SYK: variants seen among roughly 807,000 people sequenced by gnomAD.
SYK encodes the protein tyrosine-protein kinase SYK.
SYK carries 16 observed loss-of-function variants against 77.8 expected under a neutral mutation model. That is an observed-to-expected ratio of 0.21 (90% confidence interval 0.14 to 0.31). The LOEUF is 0.31. Among genes scored for constraint, SYK ranks in the 10% least tolerant of loss-of-function variants. The pLI is 1.00. For synonymous variants in SYK, 312 were observed against 308.7 expected (o/e 1.01, Z -0.11); for missense variants, 529 against 814.4 (o/e 0.65, Z 4.26).
chr9:90,841,239 T>G (rs918634929), intron 1 of SYK, among the ~76,000 whole-genome samples: 1 of 151,460 alleles, frequency 6.6e-6, no homozygotes, highest in Non-Finnish European at 1.5e-5. Flanking sequence ...GTATGTAGTT[T>G]GTGTGTGTGG....
chr9:90,803,380 G>T (rs977297897), intron 1 of SYK, among the ~76,000 whole-genome samples: 1 of 151,676 alleles, frequency 6.6e-6, no homozygotes, highest in African/African-American at 2.4e-5. Context: ...CTGAGGGATT[G>T]TGGGAAGATT....
intron 1 of SYK, among the ~76,000 whole-genome samples, chr9:90,822,248 A>G (rs75951102): frequency 0.012 from 1,868 of 152,370 alleles, 29 homozygotes; most frequent in African/African-American, 0.038. Flanking sequence ...GAACTGTTTT[A>G]TAACACAGAG....
chr9:90,867,316 T>C, intron 7 of SYK, 117 bp downstream of exon 7: 1 of 1,056,984 alleles, frequency 9.5e-7, no homozygotes, highest in Non-Finnish European at 1.4e-6. Flanking sequence ...GCCACTCTGC[T>C]TCCAGGCCTC....
At chr9:90,851,866 T>A (rs1826836445) in intron 3 of SYK, among the ~76,000 whole-genome samples, 1 of 152,176 alleles carries the variant, frequency 6.6e-6, no homozygotes, top group Non-Finnish European at 1.5e-5. Flanking sequence ...TCTTATTTTT[T>A]TAAAAATATA....
chr9:90,841,428 A>AATGTGTT (rs1564085826), intron 1 of SYK, among the ~76,000 whole-genome samples: 3 of 148,584 alleles, frequency 2.0e-5, no homozygotes, highest in African/African-American at 5.0e-5. Flanking sequence ...AGATGTGTGT[A>AATGTGTT]GTGTGTTGTG....
intron 11 of SYK, among the ~76,000 whole-genome samples, chr9:90,885,361 A>G (rs1828523401): frequency 6.6e-6 from 1 of 152,300 alleles, no homozygotes; most frequent in South Asian, 2.1e-4. Flanking sequence ...AAATTCTGGA[A>G]CTAAAGATTC....
chr9:90,883,122 T>C (rs1018416078), intron 11 of SYK, among the ~76,000 whole-genome samples: 7 of 152,106 alleles, frequency 4.6e-5, no homozygotes, highest in African/African-American at 1.7e-4. Flanking sequence ...CTGGGACTAT[T>C]GCTGATGCTG....
intron 4 of SYK, 25 bp downstream of exon 4, chr9:90,862,369 T>C (rs760930682): frequency 6.2e-7 from 1 of 1,610,460 alleles, no homozygotes; most frequent in South Asian, 1.1e-5. Context: ...CTCCCCACCT[T>C]GTGGGTAGAG....
intron 7 of SYK, 142 bp downstream of exon 7, chr9:90,867,341 C>T: frequency 2.4e-6 from 2 of 828,662 alleles, no homozygotes; most frequent in Non-Finnish European, 3.9e-6. Flanking sequence ...CCCTTGCTCA[C>T]ACCTGCTGTT....
intron 1 of SYK, among the ~76,000 whole-genome samples, chr9:90,840,986 C>T (rs1239927345): frequency 2.0e-5 from 3 of 152,118 alleles, no homozygotes; most frequent in African/African-American, 4.8e-5. Flanking sequence ...TTCACATCAT[C>T]GTGGTGCAGG....
chr9:90,841,774 G>A (rs1353819279), intron 1 of SYK, among the ~76,000 whole-genome samples: 3 of 150,372 alleles, frequency 2.0e-5, no homozygotes, highest in Non-Finnish European at 4.4e-5. Flanking sequence ...GATGTGTGTA[G>A]TACATGGTGT....
At chr9:90,829,996 T>C (rs1323963680) in intron 1 of SYK, among the ~76,000 whole-genome samples, 1 of 152,216 alleles carries the variant, frequency 6.6e-6, no homozygotes, top group Non-Finnish European at 1.5e-5. Flanking sequence ...GAGAATTTGG[T>C]GTTGAAGGTT....
At chr9:90,872,076 AG>A (rs1827750774) in intron 7 of SYK, among the ~76,000 whole-genome samples, 1 of 152,196 alleles carries the variant, frequency 6.6e-6, no homozygotes, top group Non-Finnish European at 1.5e-5. Flanking sequence ...CTGACACCCT[AG>A]TATCCCTTTC....
At chr9:90,864,273 G>C (rs1340908087) in intron 4 of SYK, among the ~76,000 whole-genome samples, 3 of 152,172 alleles carry the variant, frequency 2.0e-5, no homozygotes, top group African/African-American at 7.2e-5. Context: ...TGGTTTGTAT[G>C]CTGTTAAAGG....
chr9:90,878,746 G>C lies in SYK; in HGVS notation c.1392-18G>C. 6.3e-7 allele frequency: 1 copy of C among 1,594,772 alleles called. No homozygotes were observed. Among genetic ancestry groups the C allele is most frequent in the Non-Finnish European group, 8.6e-7 (1 of 1,164,024 alleles). On this transcript the variant is annotated intron_variant, in intron 10 of 13. Transcript: ENST00000375754. Reference sequence around the variant, plus strand: ...GGTCACTGTCTGTTATAGCTGATGAGATCATTATGACTTTCAGACATGTCA... The same window carrying C: ...GGTCACTGTCTGTTATAGCTGATGACATCATTATGACTTTCAGACATGTCA...
At chr9:90,864,165 A>G (rs1827377385) in intron 4 of SYK, among the ~76,000 whole-genome samples, 1 of 152,180 alleles carries the variant, frequency 6.6e-6, no homozygotes, top group South Asian at 2.1e-4. Flanking sequence ...GATTGCCATA[A>G]TACCCTATTT....
At chr9:90,855,689 G>GGGT (rs1827008059) in intron 3 of SYK, among the ~76,000 whole-genome samples, 3 of 138,868 alleles carry the variant, frequency 2.2e-5, no homozygotes, top group African/African-American at 2.8e-5. Context: ...TGTGTGTGTG[G>GGGT]GTGTGTGTGA....
chr9:90,816,113 G>A (rs950159595), intron 1 of SYK, among the ~76,000 whole-genome samples: 3 of 152,166 alleles, frequency 2.0e-5, no homozygotes, highest in African/African-American at 4.8e-5. Flanking sequence ...GCTTACTAAT[G>A]GAAGCAGGAG....
intron 9 of SYK, among the ~76,000 whole-genome samples, chr9:90,876,850 A>G (rs1827955360): frequency 6.6e-6 from 1 of 152,222 alleles, no homozygotes; most frequent in Non-Finnish European, 1.5e-5. Flanking sequence ...TTCTGCACCT[A>G]GAAATTCACT....
Sources: gnomAD v4.1 joint callset for allele counts (sites outside exome capture counted in the v4.1 genomes callset) on GRCh38, gnomAD v4.1.1 for gene constraint, MANE v1.5 for transcripts, NCBI Gene and HGNC (gene_info 2026-07-23, HGNC 2026-07-21) for gene names.